The following EPS8L1 variants were observed in gnomAD, a reference collection of about 807,000 sequenced individuals.
EPS8L1 encodes EPS8 signaling adaptor L1.
In EPS8L1, 101 loss-of-function variants were observed where a neutral mutation model predicts 91.7. The observed-to-expected ratio is 1.10, with a 90% CI of 0.94 to 1.30. EPS8L1 has a LOEUF of 1.30. EPS8L1 is among the 50% of genes most tolerant of loss of function. The pLI is 0.00. For synonymous variants in EPS8L1, 506 were observed against 445.3 expected (o/e 1.14, Z -1.72); for missense variants, 1,114 against 1,017.0 (o/e 1.10, Z -1.30).
chr19:55,085,565 C>T (rs147009800), intron 14 of EPS8L1: 133 of 323,880 alleles, frequency 4.1e-4, no homozygotes, highest in Non-Finnish European at 7.0e-4. Context: ...GTGATGTGGG[C>T]AAGTCATTTT....
At chr19:55,076,567 A>C (rs888145454) in intron 2 of EPS8L1, 106 bp downstream of exon 2, 7 of 1,354,132 alleles carry the variant, frequency 5.2e-6, no homozygotes, top group Admixed American at 4.2e-5. Context: ...GCGGCGGCCC[A>C]GACTCTGGCC....
intron 17 of EPS8L1, 78 bp from the exon 18 acceptor site, chr19:55,086,636 C>CCCCCCCCCCCCCCCCCGGGG: frequency 3.1e-6 from 3 of 956,944 alleles, no homozygotes; most frequent in Non-Finnish European, 4.3e-6. Flanking sequence ...CGCTGGAGCG[C>CCCCCCCCCCCCCCCCCGGGG]CCCCCCGCCC....
At chr19:55,080,417 G>C (rs1384495503) in intron 6 of EPS8L1, 139 bp downstream of exon 6, 6 of 1,593,964 alleles carry the variant, frequency 3.8e-6, no homozygotes, top group Non-Finnish European at 5.1e-6. Context: ...AGGGGACCTG[G>C]GAAGGAAGTT....
intron 6 of EPS8L1, 56 bp from the exon 7 acceptor site, chr19:55,080,716 C>T (rs2076237539): frequency 3.3e-5 from 53 of 1,589,672 alleles, no homozygotes; most frequent in Non-Finnish European, 4.1e-5. Flanking sequence ...GGGGCGAGGC[C>T]CGGGTAGGAA....
Position 55,080,477 on chromosome 19 carries a change from G to A in EPS8L1, c.429+199G>A, listed in dbSNP as rs764570941. The A allele has an allele frequency of 3.1e-6, 5 of 1,613,702 alleles. No individual in the cohort carries two copies. The Admixed American group carries it at 8.3e-5, about 27-fold the overall frequency. On this transcript the variant is annotated intron_variant, in intron 6 of 19. Transcript: ENST00000201647. ...TGGACCCAGGGTCAAGATAGAACAT[G>A]AAGGTGGGATGAGGACATGAACAGA...
Position 55,083,916 on chromosome 19 carries a change from T to C in EPS8L1, c.1385+272T>C, listed in dbSNP as rs2076327609. On this transcript the variant is annotated intron_variant, in intron 14 of 19. Coordinates refer to ENST00000201647, the MANE Select transcript of EPS8L1 (RefSeq NM_133180.3). The surrounding 1 kb of genome is among the most constrained non-coding windows in gnomAD (Gnocchi z 4.7). ...AGGGAGGAAGGGGGCTGGGAGTGGG[T>C]AAAGTCTGAGAGGTTGGATCCCTGG... The C allele has an allele frequency of 6.5e-6, 4 of 616,334 alleles. No individual in the cohort carries two copies. The highest frequency in any genetic ancestry group is 1.1e-5 in the Non-Finnish European group (4 of 347,842). 38.2% of individuals were successfully genotyped at this position (616,334 alleles called of 1,614,324 possible). A position where few individuals can be genotyped will look rare whatever the true frequency, so the allele number is the denominator to read the frequency against.
At chr19:55,085,723 A>T in intron 14 of EPS8L1, 118 bp from the exon 15 acceptor site, 1 of 1,187,400 alleles carries the variant, frequency 8.4e-7, no homozygotes, top group Non-Finnish European at 1.2e-6. Flanking sequence ...TAACAGTATT[A>T]ACCCGGCCCC....
intron 14 of EPS8L1, chr19:55,085,630 C>A (rs1192833114): frequency 5.9e-6 from 3 of 507,994 alleles, no homozygotes; most frequent in Non-Finnish European, 1.0e-5. Flanking sequence ...GGGATAGTAC[C>A]CACTACATAT....
intron 2 of EPS8L1, 48 bp from the exon 3 acceptor site, chr19:55,078,040 A>ATCTGCCCCCAGTCCCACAGTC: frequency 1.2e-6 from 2 of 1,603,058 alleles, no homozygotes; most frequent in Non-Finnish European, 1.7e-6. Context: ...TTTCCACAGG[A>ATCTGCCCCCAGTCCCACAGTC]TCTGCCCCCA....
chr19:55,078,965 G>T (rs1641699926), intron 3 of EPS8L1, 34 bp from the exon 4 acceptor site: 10 of 1,611,844 alleles, frequency 6.2e-6, no homozygotes, highest in Non-Finnish European at 7.6e-6. Flanking sequence ...GCTGGGCCTG[G>T]ACTCCCAGGC....
chr19:55,084,002 G>A, intron 14 of EPS8L1: 1 of 531,794 alleles, frequency 1.9e-6, no homozygotes, highest in Non-Finnish European at 3.4e-6. Flanking sequence ...CACCATGCCT[G>A]GGCTCCCTAG....
Position 55,081,491 on chromosome 19 carries a change from T to G in EPS8L1, c.773T>G (p.Val258Gly). 3.8e-6 allele frequency: 6 copies of G among 1,576,992 alleles called. No individual in the cohort carries two copies. The highest frequency in any genetic ancestry group is 5.2e-6 in the Non-Finnish European group (6 of 1,162,214). The change falls in exon 8 of 20, where the codon GTG (valine) becomes GGG (glycine). Residue 258 changes from valine (V) to glycine (G), a missense_variant and splice_region_variant. Coordinates refer to ENST00000201647, the MANE Select transcript of EPS8L1 (RefSeq NM_133180.3). This position sits in a 1 kb window ranked among gnomAD's most constrained non-coding sequence, Gnocchi z 4.9. ...GCGGTTCTGCAGGCGGAGCGGGAAG[T>G]GGTGAGCCGCTAAGGAAGGGGTCTG... ...DLAVLQAERE[V>G]DILNHVFDDV... is the part of the protein sequence containing the mutation.
rs1204599538 is a variant in EPS8L1 at position 55,080,118 on chromosome 19, C to A, written c.280-11C>A. ...CGGGGCCTCAGTTTACCCCGCCATC[C>A]CACCCGGCAGGAGGAGCTGGAGTCG... On this transcript the variant is annotated splice_polypyrimidine_tract_variant and intron_variant, in intron 5 of 19. Coordinates refer to ENST00000201647, the MANE Select transcript of EPS8L1 (RefSeq NM_133180.3). The A allele has an allele frequency of 8.8e-6, 13 of 1,479,356 alleles. No individual in the cohort carries two copies. Among genetic ancestry groups the A allele is most frequent in the Non-Finnish European group, 1.1e-5 (12 of 1,110,176 alleles). 91.6% of individuals were successfully genotyped at this position (1,479,356 alleles called of 1,614,324 possible).
Position 55,086,051 on chromosome 19 carries a change from C to T in EPS8L1, c.1519-10C>T, listed in dbSNP as rs746824689. 8.1e-6 allele frequency: 13 copies of T among 1,595,110 alleles called. No individual in the cohort carries two copies. Among genetic ancestry groups the T allele is most frequent in the Middle Eastern group, 3.3e-4 (2 of 5,998 alleles). ...CAGGCTCTGAACCCTCTGTTCTTTA[C>T]CACACCCAGGTCCTGGATGACAGTC... On this transcript the variant is annotated splice_polypyrimidine_tract_variant and intron_variant, in intron 15 of 19. Transcript: ENST00000201647.
chr19:55,079,113 G>A, intron 4 of EPS8L1, 56 bp downstream of exon 4: 1 of 1,584,606 alleles, frequency 6.3e-7, no homozygotes, highest in South Asian at 1.1e-5. Context: ...GGTGGCCTCA[G>A]GAGATAGGGC....
In EPS8L1 at chr19:55,082,600, C is replaced by G; in HGVS notation, c.1212C>G (p.Pro404=). 6.4e-7 allele frequency: 1 copy of G among 1,559,962 alleles called. No individual in the cohort carries two copies. The highest frequency in any genetic ancestry group is 8.7e-7 in the Non-Finnish European group (1 of 1,152,876). The change falls in exon 12 of 20, where the codon CCC becomes CCG. Residue 404 remains proline, a splice_region_variant and synonymous_variant. Transcript: ENST00000201647. ...WTSLGDSWTR[P]GLELSPEEGP... is the part of the protein sequence containing the mutation. ...CGCTGGGGGACTCGTGGACCCGCCC[C>G]GGGTGAGGGGCGGGGCTGGGAGGCA...
At chr19:55,078,063 C>T in intron 2 of EPS8L1, 25 bp from the exon 3 acceptor site, 2 of 1,613,566 alleles carry the variant, frequency 1.2e-6, no homozygotes, top group Non-Finnish European at 1.7e-6. Context: ...CCCACAGTCT[C>T]TCTCATTCCT....
In EPS8L1 at chr19:55,082,477, G is replaced by A; in HGVS notation, c.1089G>A (p.Pro363=). The change falls in exon 12 of 20, where the codon CCG becomes CCA. Residue 363 remains proline, a synonymous_variant. Coordinates refer to ENST00000201647, the MANE Select transcript of EPS8L1 (RefSeq NM_133180.3). ...LQMIVNTSGG[P]EFASSVRRPH... Reference sequence around the variant, plus strand: ...AGATTGTGAACACGTCGGGGGGGCCGGAGTTCGCGAGCAGTGTGCGGCGGC... The same window carrying A: ...AGATTGTGAACACGTCGGGGGGGCCAGAGTTCGCGAGCAGTGTGCGGCGGC... The A allele has an allele frequency of 6.2e-7, 1 of 1,612,566 alleles. No individual in the cohort carries two copies. Among genetic ancestry groups the A allele is most frequent in the African/African-American group, 1.3e-5 (1 of 75,042 alleles).
In EPS8L1 at chr19:55,080,150, C is replaced by T; in HGVS notation, c.301C>T (p.Leu101=). Residue 101 remains leucine, a synonymous_variant, in exon 6 of 20, where the codon CTG becomes TTG. Transcript: ENST00000201647. ...GCAGGAGGAGCTGGAGTCGTACCCA[C>T]TGGGCGCCATCGTGCGCTGTGACGC... ...ASKEELESYP[L]GAIVRCDAVM... 5.3e-6 allele frequency: 8 copies of T among 1,513,456 alleles called. No individual in the cohort carries two copies. The highest frequency in any genetic ancestry group is 7.1e-6 in the Non-Finnish European group (8 of 1,124,126). 93.8% of individuals were successfully genotyped at this position (1,513,456 alleles called of 1,614,324 possible). A position where few individuals can be genotyped will look rare whatever the true frequency, so the allele number is the denominator to read the frequency against.
Sources: allele counts gnomAD v4.1 joint callset, GRCh38; gene constraint gnomAD v4.1.1; non-coding constraint Gnocchi (gnomAD v3.1); transcripts MANE v1.5; gene names NCBI Gene and HGNC (gene_info 2026-07-23, HGNC 2026-07-21).